The following TRAPPC1 variants were observed in gnomAD, a reference collection of about 807,000 sequenced individuals.
The protein encoded by TRAPPC1 is trafficking protein particle complex subunit 1.
TRAPPC1 carries 10 observed loss-of-function variants against 17.2 expected under a neutral mutation model. That is an observed-to-expected ratio of 0.58 (90% CI 0.36 to 0.99). TRAPPC1 has a LOEUF of 0.99. Ranked by LOEUF, TRAPPC1 falls within the 50% of genes least tolerant of loss-of-function variation. The pLI, the probability that TRAPPC1 is intolerant of heterozygous loss-of-function variation, is 0.01. For missense variants in TRAPPC1, 163 were observed against 184.4 expected (o/e 0.88, Z 0.67); for synonymous variants, 85 against 74.5 (o/e 1.14, Z -0.72).
rs1484749572 is a variant in TRAPPC1 at position 7,931,911 on chromosome 17, C to T, written c.-82G>A. On this transcript the variant is annotated 5_prime_UTR_variant, in exon 1 of 4. Transcript: ENST00000303731. The stretch of plus-strand genomic sequence containing the variant: ...GGTTCCCGGACCCACAGCCTTCCAA[C>T]CAGGTGGGGACCCCACCCACGGACT... The T allele has an allele frequency of 8.1e-7, 1 of 1,232,456 alleles. No homozygotes were observed. The highest frequency in any genetic ancestry group is 1.2e-6 in the Non-Finnish European group (1 of 833,632). 76.3% of individuals were successfully genotyped at this position (1,232,456 alleles called of 1,614,324 possible).
chr17:7,931,480 C>G (rs368633007), intron 2 of TRAPPC1, 26 bp downstream of exon 2: 26 of 1,611,900 alleles, frequency 1.6e-5, no homozygotes, highest in Middle Eastern at 3.3e-4. Context: ...AGCCCTCCTC[C>G]CAACATCTTC....
At position 7,930,681 on chromosome 17, in the gene TRAPPC1, C is replaced by A; in HGVS notation, c.363G>T (p.Val121=). Residue 121 remains valine (V), a synonymous_variant, in exon 4 of 4, where the codon GTG becomes GTT. Transcript: ENST00000303731. ...GTCGGGAGCGAAAGAGCTCACTTTG[C>A]ACAGTTTGGCCCAGCGGGCACAGGG... ...KNPLCPLGQT[V]QSELFRSRLD... The A allele has an allele frequency of 6.2e-7, 1 of 1,613,276 alleles. No individual in the cohort carries two copies. Among genetic ancestry groups the A allele is most frequent in the South Asian group, 1.1e-5 (1 of 91,086 alleles).
In TRAPPC1 at chr17:7,931,718, G is replaced by A. The variant is rs376703274; in HGVS notation, c.99+13C>T. 2.0e-5 allele frequency: 33 copies of A among 1,612,380 alleles called. No homozygotes were observed. The highest frequency in any genetic ancestry group is 2.5e-5 in the Non-Finnish European group (30 of 1,178,484). On this transcript the variant is annotated intron_variant, in intron 1 of 3. Coordinates refer to ENST00000303731, the MANE Select transcript of TRAPPC1 (RefSeq NM_021210.5). ...GAGAGGTCGCCCGGGCTGCACCGGG[G>A]CCCTCTCGTCACCTCCTCCTTGGGA...
At chr17:7,931,416 G>T in intron 2 of TRAPPC1, 90 bp downstream of exon 2, 3 of 1,347,396 alleles carry the variant, frequency 2.2e-6, no homozygotes, top group Non-Finnish European at 2.1e-6. Flanking sequence ...CCCTCTGGAG[G>T]CCAATGCTCC....
At chr17:7,931,635 G>A in intron 1 of TRAPPC1, 59 bp from the exon 2 acceptor site, 1 of 640,756 alleles carries the variant, frequency 1.6e-6, no homozygotes, top group Non-Finnish European at 2.9e-6. Context: ...GTGGGGGGTG[G>A]GAACGAGCTG....
In TRAPPC1 at chr17:7,930,393, A is replaced by G; in HGVS notation, c.*213T>C. On this transcript the variant is annotated 3_prime_UTR_variant, in exon 4 of 4. Coordinates refer to ENST00000303731, the MANE Select transcript of TRAPPC1 (RefSeq NM_021210.5). The stretch of plus-strand genomic sequence containing the variant: ...TTCTGTGCTTCTCGCAGCATTAGGC[A>G]GGGGATAAAACTGGAGAGAGGGCCT... 1 of 585,172 alleles carries G rather than the reference A, an allele frequency of 1.7e-6. No homozygotes were observed. Among genetic ancestry groups the G allele is most frequent in the Non-Finnish European group, 3.0e-6 (1 of 332,008 alleles). 36.2% of individuals were successfully genotyped at this position (585,172 alleles called of 1,614,324 possible). A position where few individuals can be genotyped will look rare whatever the true frequency, so the allele number is the denominator to read the frequency against.
upstream of TRAPPC1, chr17:7,931,975 C>T (rs1972549474): frequency 1.4e-6 from 1 of 695,542 alleles, no homozygotes; most frequent in Middle Eastern, 3.9e-4. Context: ...GAGTTACTTC[C>T]GGTTTCCACG....
At chr17:7,931,363 G>T in intron 2 of TRAPPC1, 143 bp downstream of exon 2, 1 of 1,016,978 alleles carries the variant, frequency 9.8e-7, no homozygotes, top group Non-Finnish European at 1.4e-6. Flanking sequence ...GCCAGCTCCA[G>T]CACTCTCGCT....
intron 1 of TRAPPC1, 52 bp from the exon 2 acceptor site, chr17:7,931,628 G>A (rs562594290): frequency 3.9e-6 from 3 of 775,252 alleles, no homozygotes; most frequent in African/African-American, 1.7e-5. Flanking sequence ...AGATGGGGTG[G>A]GGGGTGGGAA....
chr17:7,930,538 TTA>T lies in TRAPPC1; in HGVS notation c.*66_*67del. The T allele has an allele frequency of 2.5e-6, 4 of 1,606,842 alleles. No homozygotes were observed. Among genetic ancestry groups the T allele is most frequent in the Non-Finnish European group, 3.4e-6 (4 of 1,176,496 alleles). On this transcript the variant is annotated 3_prime_UTR_variant, in exon 4 of 4. Transcript: ENST00000303731. The stretch of plus-strand genomic sequence containing the variant: ...GTGCGGGGGCTTACAGTGGGGGCCC[TTA>T]GTTGGCACAGGTTCGGAAGGGCCCC...
Position 7,930,657 on chromosome 17 carries a change from T to C in TRAPPC1, c.387A>G (p.Arg129=), listed in dbSNP as rs769120006. The part of the protein sequence containing the change: ...QTVQSELFRS[R]LDSYVRSLPF... ...GCAGAGAGCGAACATAGGAGTCCAG[T>C]CGGGAGCGAAAGAGCTCACTTTGCA... Residue 129 remains arginine, a synonymous_variant, in exon 4 of 4, where the codon CGA becomes CGG. Coordinates refer to ENST00000303731, the MANE Select transcript of TRAPPC1 (RefSeq NM_021210.5). 14 of 1,613,976 alleles carry C rather than the reference T, an allele frequency of 8.7e-6. No homozygotes were observed. The highest frequency in any genetic ancestry group is 1.2e-5 in the Non-Finnish European group (14 of 1,180,012).
rs752690883 is a variant in TRAPPC1, at chr17:7,930,984, G to A, written c.309+27C>T. ...TCTTGGGGTTCTGAAGAGCTCTGGG[G>A]GATGGGTCCCTGGGGCTGGCACTGA... On this transcript the variant is annotated intron_variant, in intron 3 of 3. Coordinates refer to ENST00000303731, the MANE Select transcript of TRAPPC1 (RefSeq NM_021210.5). 25 of 1,612,084 alleles carry A rather than the reference G, an allele frequency of 1.6e-5. No homozygotes were observed. The African/African-American group carries it at 3.1e-4, about 20-fold the overall frequency.
rs2151725600 is a variant in TRAPPC1, at chr17:7,931,940, C to T, written c.-111G>A. 1 of 877,420 alleles carries T rather than the reference C, an allele frequency of 1.1e-6. No homozygotes were observed. The highest frequency in any genetic ancestry group is 1.6e-5 in the African/African-American group (1 of 60,748). The allele number at this position is 877,420 out of a possible 1,614,324, so 54.4% of individuals were successfully genotyped here. On this transcript the variant is annotated 5_prime_UTR_variant, in exon 1 of 4. Transcript: ENST00000303731. ...GTGGGGACCCCACCCACGGACTCAC[C>T]GGAACTGCTCCGAGTGCCCGTCAAG...
chr17:7,931,614 C>T, intron 1 of TRAPPC1, 38 bp from the exon 2 acceptor site: 2 of 1,511,994 alleles, frequency 1.3e-6, no homozygotes, highest in Middle Eastern at 1.7e-4. Context: ...TCGGTTGATG[C>T]GGGAGATGGG....
rs981588246 is a variant in TRAPPC1, at chr17:7,930,362, A to C, written c.*244T>G. The C allele has an allele frequency of 5.9e-6, 3 of 511,352 alleles. No homozygotes were observed. The Admixed American group carries it at 9.8e-5, about 17-fold the overall frequency. 31.7% of individuals were successfully genotyped at this position (511,352 alleles called of 1,614,324 possible). On this transcript the variant is annotated 3_prime_UTR_variant, in exon 4 of 4. Transcript: ENST00000303731. ...GCTCAGGCCGCAGAGAGTGACAAAAAGTTTATTCTGTGCTTCTCGCAGCAT... is the reference window on the plus strand; with the variant it reads ...GCTCAGGCCGCAGAGAGTGACAAAACGTTTATTCTGTGCTTCTCGCAGCAT...
At chr17:7,930,782 T>G (rs923581675) in intron 3 of TRAPPC1, 48 bp from the exon 4 acceptor site, 2 of 1,602,242 alleles carry the variant, frequency 1.2e-6, no homozygotes, top group Non-Finnish European at 1.7e-6. Flanking sequence ...ACTTCTGGTT[T>G]TTAGCCCCAA....
Position 7,931,080 on chromosome 17 carries a change from G to T in TRAPPC1, c.240C>A (p.Ile80=), listed in dbSNP as rs200473904. Residue 80 remains isoleucine (I), a synonymous_variant, in exon 3 of 4, where the codon ATC becomes ATA. Coordinates refer to ENST00000303731, the MANE Select transcript of TRAPPC1 (RefSeq NM_021210.5). Reference sequence around the variant, plus strand: ...CCAAGTCAGTATTCATGACAACTTTGATCCCAGTGGGCGTCTCGTAGTAAT... The same window carrying T: ...CCAAGTCAGTATTCATGACAACTTTTATCCCAGTGGGCGTCTCGTAGTAAT... ...KLHYYETPTG[I]KVVMNTDLGV... 4 of 1,613,972 alleles carry T rather than the reference G, an allele frequency of 2.5e-6. No homozygotes were observed. In the East Asian group the frequency reaches 8.9e-5, roughly 36 times the overall value.
At position 7,931,093 on chromosome 17, in the gene TRAPPC1, G is replaced by A. The variant is rs1270069778; in HGVS notation, c.227C>T (p.Thr76Met). ...TSRYKLHYYE[T>M]PTGIKVVMNT... is the part of the protein sequence containing the mutation. Reference sequence around the variant, plus strand: ...CATGACAACTTTGATCCCAGTGGGCGTCTCGTAGTAATGGAGTTTGTAACG... The same window carrying A: ...CATGACAACTTTGATCCCAGTGGGCATCTCGTAGTAATGGAGTTTGTAACG... The change falls in exon 3 of 4, where the codon ACG becomes ATG. Residue 76 changes from threonine (T) to methionine (M), a missense_variant. Physicochemically the swap from Thr to Met is moderately conservative, Grantham distance 81. Transcript: ENST00000303731. 3 of 1,614,010 alleles carry A rather than the reference G, an allele frequency of 1.9e-6. No individual in the cohort carries two copies. Among genetic ancestry groups the A allele is most frequent in the Non-Finnish European group, 2.5e-6 (3 of 1,180,002 alleles).
In TRAPPC1 at chr17:7,930,705, G is replaced by A. The variant is rs1422245736; in HGVS notation, c.339C>T (p.Pro113=). ...ALYVELVVKN[P]LCPLGQTVQS... ...GCACAGTTTGGCCCAGCGGGCACAG[G>A]GGATTCTTCACCACCAGCTCCACAT... The change falls in exon 4 of 4, where the codon CCC becomes CCT. Residue 113 remains proline (P), a synonymous_variant. Transcript: ENST00000303731. 5 of 1,614,052 alleles carry A rather than the reference G, an allele frequency of 3.1e-6. No individual in the cohort carries two copies. Among genetic ancestry groups the A allele is most frequent in the Non-Finnish European group, 4.2e-6 (5 of 1,180,014 alleles).
Sources: allele counts gnomAD v4.1 joint callset, GRCh38; gene constraint gnomAD v4.1.1; transcripts MANE v1.5; gene names NCBI Gene and HGNC (gene_info 2026-07-23, HGNC 2026-07-21).